The following SPEN variants were observed in gnomAD, a reference collection of about 807,000 sequenced individuals.
The protein encoded by SPEN is spen family transcriptional repressor, also known as msx2-interacting protein.
In SPEN, 18 loss-of-function variants were observed where a neutral mutation model predicts 269.9. The observed-to-expected ratio is 0.07, with a 90% CI of 0.05 to 0.10. The LOEUF (loss-of-function observed/expected upper bound fraction) is 0.10. Among genes scored for constraint, SPEN ranks in the 10% least tolerant of loss-of-function variants. The pLI, the probability that SPEN is intolerant of heterozygous loss-of-function variation, is 1.00. For synonymous variants in SPEN, 1,726 were observed against 1,765.7 expected (o/e 0.98, Z 0.56); for missense variants, 3,822 against 4,631.2 (o/e 0.83, Z 5.07).
intron 3 of SPEN, among the ~76,000 whole-genome samples, chr1:15,908,349 C>G (rs1008259827): frequency 1.3e-5 from 2 of 152,178 alleles, no homozygotes; most frequent in African/African-American, 4.8e-5. Context: ...TAGGTGTGAG[C>G]CACCACACCC....
intron 1 of SPEN, among the ~76,000 whole-genome samples, chr1:15,857,450 G>A (rs941862771): frequency 3.3e-5 from 5 of 151,840 alleles, no homozygotes; most frequent in Admixed American, 6.6e-5. Flanking sequence ...TCTGCCTCCC[G>A]GGTTCAAGCT....
intron 6 of SPEN, among the ~76,000 whole-genome samples, chr1:15,916,510 CTTTTTTTTT>C (rs34713584): frequency 8.8e-6 from 1 of 113,544 alleles, no homozygotes; most frequent in Non-Finnish European, 1.8e-5. Flanking sequence ...TTTCTTACCT[CTTTTTTTTT>C]TTTTTTTTTG....
rs2071182315 is a variant in SPEN, at chr1:15,927,813, G to A, written c.1851-278G>A. ...AAATTTTCTTTAATATATCTAAAAC[G>A]TTGTTTCAACATATAATCAGTCTAA... On this transcript the variant is annotated intron_variant, in intron 10 of 14. Coordinates refer to ENST00000375759, the MANE Select transcript of SPEN (RefSeq NM_015001.3). Among the ~76,000 whole-genome samples, 16 of 152,094 alleles carry A rather than the reference G, an allele frequency of 1.1e-4. No homozygotes were observed. In the South Asian group the frequency reaches 2.1e-3, roughly 20 times the overall value.
Position 15,931,904 on chromosome 1 carries a change from A to G in SPEN, c.5664A>G (p.Glu1888=). The part of the protein sequence containing the change: ...TASKNSAADL[E]HPEPSLPLSR... ...CTAAAAACTCTGCTGCAGACCTTGA[A>G]CATCCCGAACCAAGTTTGCCTCTCA... Residue 1888 remains glutamate, a synonymous_variant, in exon 11 of 15, where the codon GAA becomes GAG. Coordinates refer to ENST00000375759, the MANE Select transcript of SPEN (RefSeq NM_015001.3). The surrounding 1 kb of genome is among the most constrained non-coding windows in gnomAD (Gnocchi z 4.8). The G allele has an allele frequency of 2.5e-6, 4 of 1,614,248 alleles. No individual in the cohort carries two copies. The highest frequency in any genetic ancestry group is 3.4e-6 in the Non-Finnish European group (4 of 1,180,050).
At chr1:15,862,072 C>G (rs948069509) in intron 1 of SPEN, among the ~76,000 whole-genome samples, 2 of 151,858 alleles carry the variant, frequency 1.3e-5, no homozygotes, top group Non-Finnish European at 2.9e-5. Flanking sequence ...ACAAAAATTG[C>G]GGGAGTTAGC....
chr1:15,865,948 G>A (rs2070502281), intron 1 of SPEN, among the ~76,000 whole-genome samples: 1 of 150,272 alleles, frequency 6.7e-6, no homozygotes, highest in Non-Finnish European at 1.5e-5. Context: ...TCAGCTCACT[G>A]CAGCCTCAGC....
intron 6 of SPEN, among the ~76,000 whole-genome samples, chr1:15,916,841 A>G (rs76816302): frequency 0.035 from 5,293 of 152,296 alleles, 298 homozygotes; most frequent in African/African-American, 0.12. Flanking sequence ...AAAATGAAGC[A>G]GCAGGCTGAG....
intron 3 of SPEN, among the ~76,000 whole-genome samples, chr1:15,887,875 T>C (rs1360644489): frequency 6.7e-6 from 1 of 149,916 alleles, no homozygotes; most frequent in Non-Finnish European, 1.5e-5. Flanking sequence ...ATACAAAAAT[T>C]AACTGGGCAT....
chr1:15,850,576 G>C (rs2070326016), intron 1 of SPEN, among the ~76,000 whole-genome samples: 1 of 152,124 alleles, frequency 6.6e-6, no homozygotes, highest in East Asian at 1.9e-4. Context: ...GTCTATTTCT[G>C]GTTTCTTGTT....
chr1:15,853,224 C>G (rs1286320680), intron 1 of SPEN, among the ~76,000 whole-genome samples: 1 of 152,114 alleles, frequency 6.6e-6, no homozygotes, highest in Non-Finnish European at 1.5e-5. Context: ...GAGTCTCACT[C>G]TGTCACCCAG....
intron 1 of SPEN, among the ~76,000 whole-genome samples, chr1:15,853,886 C>G (rs1004008955): frequency 3.3e-5 from 5 of 152,098 alleles, no homozygotes; most frequent in African/African-American, 1.2e-4. Flanking sequence ...CCAGGCTGGT[C>G]TCACTCCTGA....
intron 5 of SPEN, among the ~76,000 whole-genome samples, chr1:15,913,671 T>C (rs1282745707): frequency 1.3e-5 from 2 of 151,788 alleles, no homozygotes; most frequent in Non-Finnish European, 2.9e-5. Flanking sequence ...GGAGGATCGC[T>C]TGAGCCCAGG....
chr1:15,935,273 A>C lies in SPEN; in HGVS notation c.9033A>C (p.Arg3011=). 2 of 1,614,090 alleles carry C rather than the reference A, an allele frequency of 1.2e-6. No individual in the cohort carries two copies. The highest frequency in any genetic ancestry group is 1.7e-6 in the Non-Finnish European group (2 of 1,179,992). The change falls in exon 11 of 15, where the codon CGA becomes CGC. Residue 3011 remains arginine, a synonymous_variant. Coordinates refer to ENST00000375759, the MANE Select transcript of SPEN (RefSeq NM_015001.3). The surrounding 1 kb of genome is among the most constrained non-coding windows in gnomAD (Gnocchi z 7.7). ...VPSGPSIPAD[R]TVSHLAAAKL... ...CGGGGCCCAGCATCCCAGCAGATCG[A>C]ACTGTCTCCCATTTGGCAGCTGCAA...
intron 2 of SPEN, among the ~76,000 whole-genome samples, chr1:15,875,138 A>G (rs1396708992): frequency 6.6e-6 from 1 of 152,184 alleles, no homozygotes; most frequent in Non-Finnish European, 1.5e-5. Flanking sequence ...CTAGTTCTCT[A>G]CAAAAGTAGA....
chr1:15,854,561 C>T (rs2070367203), intron 1 of SPEN, among the ~76,000 whole-genome samples: 1 of 151,986 alleles, frequency 6.6e-6, no homozygotes, highest in Non-Finnish European at 1.5e-5. Context: ...TATCTCGGCT[C>T]ACCGCGACCT....
rs1468116383 is a variant in SPEN at position 15,928,887 on chromosome 1, G to A, written c.2647G>A (p.Val883Met). ...CATGCCTTGCGTGGTTTTGACTCGA[G>A]TGAAAGAGAAAGAGGGAAAGGTCAT... ...ELMPCVVLTR[V>M]KEKEGKVIDH... Residue 883 changes from valine to methionine, a missense_variant, in exon 11 of 15, where the codon GTG becomes ATG. Physicochemically the swap from Val to Met is conservative, Grantham distance 21. Around this residue, in one of 16 missense-constraint regions of SPEN, gnomAD observed 572 missense variants for 582.6 expected, o/e 0.98. Coordinates refer to ENST00000375759, the MANE Select transcript of SPEN (RefSeq NM_015001.3). This position sits in a 1 kb window ranked among gnomAD's most constrained non-coding sequence, Gnocchi z 5.7. The A allele has an allele frequency of 1.2e-6, 2 of 1,614,184 alleles. No homozygotes were observed. Among genetic ancestry groups the A allele is most frequent in the South Asian group, 1.1e-5 (1 of 91,080 alleles).
chr1:15,851,365 C>T (rs1197552589), intron 1 of SPEN, among the ~76,000 whole-genome samples: 1 of 152,100 alleles, frequency 6.6e-6, no homozygotes, highest in Admixed American at 6.6e-5. Context: ...AGAACTATTT[C>T]TGAATCGGGT....
chr1:15,903,099 C>G (rs1461218379), intron 3 of SPEN, among the ~76,000 whole-genome samples: 1 of 152,190 alleles, frequency 6.6e-6, no homozygotes, highest in Non-Finnish European at 1.5e-5. Context: ...AAATAGCATA[C>G]TCAGTGCCTT....
At chr1:15,877,632 A>C (rs2070644565) in intron 3 of SPEN, among the ~76,000 whole-genome samples, 1 of 152,158 alleles carries the variant, frequency 6.6e-6, no homozygotes. Context: ...CTTAGCTTCA[A>C]ACCTAGTTAT....
Sources: gnomAD v4.1 joint callset for allele counts (sites outside exome capture counted in the v4.1 genomes callset) on GRCh38, gnomAD v4.1.1 for gene constraint, gnomAD v4.1.1 regional missense constraint, Gnocchi (gnomAD v3.1) non-coding constraint, MANE v1.5 for transcripts, NCBI Gene and HGNC (gene_info 2026-07-23, HGNC 2026-07-21) for gene names.